The following CNTNAP2 variants were observed in gnomAD, a reference collection of about 807,000 sequenced individuals.
CNTNAP2 encodes the protein contactin-associated protein-like 2.
A neutral mutation model predicts 155.2 loss-of-function variants in CNTNAP2; 98 were observed. That is an observed-to-expected ratio of 0.63 (90% confidence interval 0.54 to 0.75). The LOEUF (loss-of-function observed/expected upper bound fraction) is 0.75, where lower values mean the gene tolerates loss of function less well. Ranked by LOEUF, CNTNAP2 falls within the 30% of genes least tolerant of loss-of-function variation. The pLI is 0.00. For synonymous variants in CNTNAP2, 651 were observed against 631.2 expected (o/e 1.03, Z -0.47); for missense variants, 1,727 against 1,688.1 (o/e 1.02, Z -0.40).
At chr7:147,167,719 T>A (rs1392832611) in intron 8 of CNTNAP2, 6 of 306,810 alleles carry the variant, frequency 2.0e-5, no homozygotes, top group Non-Finnish European at 3.6e-5. Flanking sequence ...CTGAAGGAGA[T>A]GAGTGGGCTT....
At chr7:147,079,999 CTTT>C (rs33992262) in intron 4 of CNTNAP2, among the ~76,000 whole-genome samples, 21 of 112,850 alleles carry the variant, frequency 1.9e-4, no homozygotes, top group African/African-American at 9.8e-5. Flanking sequence ...AAGCCTAGTC[CTTT>C]TTTTTTTTTT....
chr7:147,172,561 G>T (rs1802253597), intron 8 of CNTNAP2, among the ~76,000 whole-genome samples: 1 of 151,858 alleles, frequency 6.6e-6, no homozygotes, highest in Non-Finnish European at 1.5e-5. Context: ...TAACTTCATG[G>T]TTATAATTTC....
chr7:146,182,231 A>G (rs777134170), intron 1 of CNTNAP2, among the ~76,000 whole-genome samples: 6 of 152,104 alleles, frequency 3.9e-5, no homozygotes, highest in Non-Finnish European at 2.9e-5. Context: ...TCTAGAGACA[A>G]GAGAATCTTT....
intron 8 of CNTNAP2, among the ~76,000 whole-genome samples, chr7:147,262,962 A>G (rs892990308): frequency 1.3e-5 from 2 of 152,202 alleles, no homozygotes; most frequent in African/African-American, 4.8e-5. Flanking sequence ...GTATTTTGCT[A>G]TGACAGCCCC....
intron 13 of CNTNAP2, among the ~76,000 whole-genome samples, chr7:147,669,409 T>A (rs1394635694): frequency 6.6e-6 from 1 of 152,230 alleles, no homozygotes; most frequent in African/African-American, 2.4e-5. Context: ...AGGTCCCTAA[T>A]TAATTTTCTT....
chr7:146,896,456 C>T (rs946547735), intron 3 of CNTNAP2, among the ~76,000 whole-genome samples: 1 of 152,034 alleles, frequency 6.6e-6, no homozygotes, highest in Non-Finnish European at 1.5e-5. Context: ...TCTACCTCTA[C>T]ATTTAACAGT....
At chr7:146,462,037 T>G (rs1386771199) in intron 1 of CNTNAP2, among the ~76,000 whole-genome samples, 1 of 152,220 alleles carries the variant, frequency 6.6e-6, no homozygotes, top group African/African-American at 2.4e-5. Context: ...TTAGAGTTTT[T>G]CATTGAAGAA....
chr7:147,137,351 T>C (rs1406358796), intron 8 of CNTNAP2, among the ~76,000 whole-genome samples: 1 of 151,464 alleles, frequency 6.6e-6, no homozygotes, highest in East Asian at 2.0e-4. Context: ...TCATTCCAAA[T>C]CAGAATGAAA....
rs71175651 is a variant in CNTNAP2, at chr7:146,486,046, C to CTTTTTTTTTTTTT, written c.98-288201_98-288189dup. Among the ~76,000 whole-genome samples the CTTTTTTTTTTTTT allele has an allele frequency of 4.7e-5, 2 of 42,572 alleles. 1 individual carries two copies. The highest frequency in any genetic ancestry group is 8.7e-5 in the Non-Finnish European group (2 of 22,882). 27.9% of individuals were successfully genotyped at this position (42,572 alleles called of 152,430 possible). On this transcript the variant is annotated intron_variant, in intron 1 of 23. Coordinates refer to ENST00000361727, the MANE Select transcript of CNTNAP2 (RefSeq NM_014141.6). ...AAAAATGTACCCAACCCACAGCAGTCTTTTTTTTTTTTTTTTTTTTTTTTT... is the reference window on the plus strand; with the variant it reads ...AAAAATGTACCCAACCCACAGCAGTCTTTTTTTTTTTTTTTTTTTTTTTTTTTTTTTTTTTTTT...
At chr7:147,353,081 T>TA (rs1795995584) in intron 9 of CNTNAP2, among the ~76,000 whole-genome samples, 2 of 139,732 alleles carry the variant, frequency 1.4e-5, no homozygotes, top group Admixed American at 7.1e-5. Context: ...GTAGAATTCT[T>TA]TATATATATA....
chr7:148,230,745 C>G (rs1363432707), intron 20 of CNTNAP2, among the ~76,000 whole-genome samples: 1 of 152,120 alleles, frequency 6.6e-6, no homozygotes, highest in Non-Finnish European at 1.5e-5. Flanking sequence ...TAAGGAGAGG[C>G]CTTTCCTAGG....
chr7:146,741,858 C>A (rs745361125), intron 1 of CNTNAP2, among the ~76,000 whole-genome samples: 3 of 151,720 alleles, frequency 2.0e-5, no homozygotes, highest in Non-Finnish European at 2.9e-5. Context: ...GGAGAGGGTA[C>A]CGAAGGATGG....
intron 1 of CNTNAP2, among the ~76,000 whole-genome samples, chr7:146,770,357 T>C (rs1488331887): frequency 6.9e-6 from 1 of 145,844 alleles, no homozygotes; most frequent in Admixed American, 6.8e-5. Context: ...CACATATACA[T>C]ATAATCTGCC....
intron 22 of CNTNAP2, among the ~76,000 whole-genome samples, chr7:148,408,876 G>A (rs1799762820): frequency 1.3e-5 from 2 of 152,124 alleles, no homozygotes; most frequent in South Asian, 4.1e-4. Context: ...TAACTGTTTT[G>A]AATTATTACC....
chr7:146,918,918 CA>C lies in CNTNAP2; in HGVS notation c.402+79018del, dbSNP rs558290706. ...ATTTCTTTGTCAGATTGGGTTAATT[CA>C]AAAGCCTTGTCTTTGACCTCTGAGG... On this transcript the variant is annotated intron_variant, in intron 3 of 23. Coordinates refer to ENST00000361727, the MANE Select transcript of CNTNAP2 (RefSeq NM_014141.6). Among the ~76,000 whole-genome samples the C allele has an allele frequency of 5.8e-3, 878 of 152,226 alleles. 2 individuals carry two copies. Among genetic ancestry groups the C allele is most frequent in the Middle Eastern group, 0.01 (3 of 294 alleles).
rs1239694614 is a variant in CNTNAP2 at position 146,721,060 on chromosome 7, T to TATATTATATATATAC, written c.98-53211_98-53210insATATTATATATATAC. 5.8e-3 allele frequency among the ~76,000 whole-genome samples: 557 copies of TATATTATATATATAC among 96,772 alleles called. 7 individuals carry two copies. The highest frequency in any genetic ancestry group is 0.045 in the African/African-American group (518 of 11,488). The allele number at this position is 96,772 out of a possible 152,430, so 63.5% of individuals were successfully genotyped here. On this transcript the variant is annotated intron_variant, in intron 1 of 23. Transcript: ENST00000361727. ...ATATATTCTATATATATACTCTATA[T>TATATTATATATATAC]TCTATATATATACTCTATATATATA...
At chr7:148,253,659 G>T (rs750958524) in intron 20 of CNTNAP2, among the ~76,000 whole-genome samples, 1 of 152,156 alleles carries the variant, frequency 6.6e-6, no homozygotes, top group South Asian at 2.1e-4. Context: ...TCCCACAGGG[G>T]GTCTGCACCA....
At chr7:146,144,576 C>G (rs1449920355) in intron 1 of CNTNAP2, among the ~76,000 whole-genome samples, 1 of 152,182 alleles carries the variant, frequency 6.6e-6, no homozygotes, top group African/African-American at 2.4e-5. Context: ...GTGTAAAACT[C>G]TAGCTTACTT....
intron 14 of CNTNAP2, among the ~76,000 whole-genome samples, chr7:147,956,300 CAAAAA>C (rs11302995): frequency 7.2e-6 from 1 of 139,218 alleles, no homozygotes. Flanking sequence ...TGGCAGGGGG[CAAAAA>C]AAAAAAAAAG....
Sources: allele counts gnomAD v4.1 joint callset (sites outside exome capture counted in the v4.1 genomes callset), GRCh38; gene constraint gnomAD v4.1.1; transcripts MANE v1.5; gene names NCBI Gene and HGNC (gene_info 2026-07-23, HGNC 2026-07-21).